Variants in SEMA5A observed in about 807,000 individuals in gnomAD.
The protein encoded by SEMA5A is semaphorin 5A, also known as semaphorin-5A.
A neutral mutation model predicts 135.5 loss-of-function variants in SEMA5A; 55 were observed. The ratio of observed to expected loss-of-function variants is 0.41; its 90% confidence interval spans 0.33 to 0.51. SEMA5A has a LOEUF of 0.51. Among genes scored for constraint, SEMA5A ranks in the 20% least tolerant of loss-of-function variants. The pLI is 0.37. For missense variants in SEMA5A, 1,290 were observed against 1,419.9 expected (o/e 0.91, Z 1.47); for synonymous variants, 580 against 546.5 (o/e 1.06, Z -0.85).
chr5:9,407,729 C>T (rs900090417), intron 2 of SEMA5A, among the ~76,000 whole-genome samples: 19 of 152,212 alleles, frequency 1.2e-4, no homozygotes, highest in Non-Finnish European at 2.4e-4. Flanking sequence ...ATCTCTTACC[C>T]TCATGCTGCT....
At chr5:9,075,791 T>C (rs1218056638) in intron 16 of SEMA5A, among the ~76,000 whole-genome samples, 1 of 152,126 alleles carries the variant, frequency 6.6e-6, no homozygotes, top group Non-Finnish European at 1.5e-5. Flanking sequence ...TGACCAAAAT[T>C]TTATCATTTT....
intron 5 of SEMA5A, among the ~76,000 whole-genome samples, chr5:9,247,989 C>T (rs187236904): frequency 8.5e-5 from 13 of 152,244 alleles, no homozygotes; most frequent in Admixed American, 5.9e-4. Context: ...TCTGCTTAAA[C>T]GTATTAAATC....
At chr5:9,246,254 C>T (rs141731995) in intron 5 of SEMA5A, among the ~76,000 whole-genome samples, 3 of 152,048 alleles carry the variant, frequency 2.0e-5, no homozygotes, top group Non-Finnish European at 4.4e-5. Context: ...GGAGGGATGG[C>T]TATTTTTATA....
intron 4 of SEMA5A, among the ~76,000 whole-genome samples, chr5:9,334,422 C>A (rs1265926951): frequency 1.3e-5 from 2 of 152,170 alleles, no homozygotes; most frequent in Admixed American, 1.3e-4. Flanking sequence ...TGAAATTTCC[C>A]AGGTGAAATT....
intron 15 of SEMA5A, among the ~76,000 whole-genome samples, chr5:9,113,849 A>C (rs1740373735): frequency 6.6e-6 from 1 of 152,236 alleles, no homozygotes; most frequent in Non-Finnish European, 1.5e-5. Context: ...TGCTGTTGGG[A>C]AAGAACATTG....
Position 9,520,074 on chromosome 5 carries a change from A to G in SEMA5A, c.-175+25510T>C, listed in dbSNP as rs546882274. 48 of 152,444 alleles carry G rather than the reference A, an allele frequency of 3.1e-4. No individual in the cohort carries two copies. The South Asian group carries it at 9.7e-3, about 31-fold the overall frequency. 9.4% of individuals were successfully genotyped at this position (152,444 alleles called of 1,614,324 possible). ...GAGCCAAGTGATATAGTTTCCAGCC[A>G]TGGCACCTCAGGAAGGCCCCTCACC... On this transcript the variant is annotated intron_variant, in intron 1 of 22. Transcript: ENST00000382496.
At chr5:9,502,415 C>A (rs963657560) in intron 1 of SEMA5A, among the ~76,000 whole-genome samples, 2 of 152,154 alleles carry the variant, frequency 1.3e-5, no homozygotes, top group Non-Finnish European at 2.9e-5. Flanking sequence ...GCTGAGCCAA[C>A]CATACTTTAA....
At chr5:9,355,937 G>T (rs1358071102) in intron 3 of SEMA5A, among the ~76,000 whole-genome samples, 1 of 152,144 alleles carries the variant, frequency 6.6e-6, no homozygotes, top group Non-Finnish European at 1.5e-5. Context: ...TAGAATTTCA[G>T]AGCGATGGCT....
intron 18 of SEMA5A, among the ~76,000 whole-genome samples, chr5:9,056,440 G>A (rs768859368): frequency 3.3e-5 from 5 of 152,180 alleles, no homozygotes; most frequent in Non-Finnish European, 7.3e-5. Context: ...TAAAAACAGA[G>A]GCCGGGCATG....
chr5:9,287,037 A>G (rs1012716159), intron 5 of SEMA5A, among the ~76,000 whole-genome samples: 3 of 152,196 alleles, frequency 2.0e-5, no homozygotes, highest in African/African-American at 7.2e-5. Context: ...GGGAGATAAC[A>G]TACACTCCTG....
intron 1 of SEMA5A, among the ~76,000 whole-genome samples, chr5:9,488,928 A>G (rs1273986514): frequency 3.3e-5 from 5 of 152,184 alleles, no homozygotes; most frequent in African/African-American, 1.2e-4. Context: ...TCTTCTTCTC[A>G]AAAGCATCTT....
intron 5 of SEMA5A, among the ~76,000 whole-genome samples, chr5:9,299,849 A>G (rs4702620): frequency 0.85 from 128,984 of 152,150 alleles, 56,858 homozygotes; most frequent in East Asian, 0.97. Context: ...TGATGGGGCC[A>G]GGCCTCAGAT....
intron 19 of SEMA5A, 120 bp from the exon 20 acceptor site, chr5:9,052,148 TG>T: frequency 1.8e-6 from 2 of 1,092,900 alleles, no homozygotes; most frequent in Non-Finnish European, 2.5e-6. Context: ...ATATTTTTAA[TG>T]GTTCTGTGCA....
intron 1 of SEMA5A, among the ~76,000 whole-genome samples, chr5:9,473,714 A>T (rs141249446): frequency 9.2e-5 from 14 of 152,148 alleles, no homozygotes; most frequent in African/African-American, 3.1e-4. Context: ...GTGCATGGCC[A>T]TGGGTGGACT....
At chr5:9,451,278 C>T (rs1175785697) in intron 1 of SEMA5A, among the ~76,000 whole-genome samples, 1 of 152,182 alleles carries the variant, frequency 6.6e-6, no homozygotes, top group Admixed American at 6.5e-5. Context: ...TTACAGCAGC[C>T]ACTGTAAATG....
chr5:9,196,438 G>A (rs149882599), intron 10 of SEMA5A, among the ~76,000 whole-genome samples: 283 of 152,310 alleles, frequency 1.9e-3, no homozygotes, highest in African/African-American at 6.4e-3. Context: ...CCCTGCTCAC[G>A]CTTTTGTCTT....
chr5:9,273,391 T>C (rs1750088381), intron 5 of SEMA5A, among the ~76,000 whole-genome samples: 2 of 152,044 alleles, frequency 1.3e-5, no homozygotes, highest in Admixed American at 1.3e-4. Context: ...ACAAGGAGAA[T>C]GAAATCAAGT....
chr5:9,071,999 A>G (rs1422982569), intron 16 of SEMA5A, among the ~76,000 whole-genome samples: 1 of 152,246 alleles, frequency 6.6e-6, no homozygotes, highest in African/African-American at 2.4e-5. Flanking sequence ...AGTTCTGGAA[A>G]TTAGTTTAGT....
chr5:9,053,875 T>C (rs1357728285), intron 19 of SEMA5A: 2 of 477,374 alleles, frequency 4.2e-6, no homozygotes, highest in Non-Finnish European at 7.1e-6. Flanking sequence ...CTAAAGGCTT[T>C]GAACACGAGT....
Sources: gnomAD v4.1 joint callset for allele counts (sites outside exome capture counted in the v4.1 genomes callset) on GRCh38, gnomAD v4.1.1 for gene constraint, MANE v1.5 for transcripts, NCBI Gene and HGNC (gene_info 2026-07-23, HGNC 2026-07-21) for gene names.